SGCD: variants seen among roughly 807,000 people sequenced by gnomAD.
The protein encoded by SGCD is sarcoglycan delta.
A neutral mutation model predicts 36.6 loss-of-function variants in SGCD; 18 were observed. That is an observed-to-expected ratio of 0.49 (90% CI 0.34 to 0.73). SGCD has a LOEUF of 0.73. SGCD is among the 30% of genes least tolerant of loss of function. The probability of loss-of-function intolerance (pLI) is 0.01; values close to 1 mark genes in which losing one functional copy is unlikely to be tolerated. For missense variants in SGCD, 387 were observed against 346.7 expected (o/e 1.12, Z -0.92); for synonymous variants, 133 against 130.6 (o/e 1.02, Z -0.12).
rs1757497088 is a variant in SGCD, at chr5:156,761,390, G to T, written c.*2000G>T. ...TCTTAGGGGTGAGACCCCGTGATTG[G>T]TTGGTTTGTAGCACTAAGGTCTAAA... On this transcript the variant is annotated 3_prime_UTR_variant, in exon 9 of 9. Transcript: ENST00000337851. The T allele has an allele frequency of 6.6e-6, 1 of 152,182 alleles. No homozygotes were observed. The highest frequency in any genetic ancestry group is 1.5e-5 in the Non-Finnish European group (1 of 68,044). 9.4% of individuals were successfully genotyped at this position (152,182 alleles called of 1,614,324 possible).
the SGCD span, among the ~76,000 whole-genome samples, chr5:155,753,626 G>A: frequency 6.6e-6 from 1 of 152,126 alleles, no homozygotes; most frequent in Non-Finnish European, 1.5e-5. Flanking sequence ...GACCAGGAGT[G>A]GGGAGCTGAC....
chr5:156,160,268 A>G (rs1033263655), intron 3 of SGCD, among the ~76,000 whole-genome samples: 1 of 151,612 alleles, frequency 6.6e-6, no homozygotes, highest in African/African-American at 2.4e-5. Context: ...TTTAACTAAG[A>G]TATATCAGCA....
At chr5:156,212,337 G>C (rs895309280) in intron 3 of SGCD, among the ~76,000 whole-genome samples, 1 of 152,148 alleles carries the variant, frequency 6.6e-6, no homozygotes, top group Non-Finnish European at 1.5e-5. Flanking sequence ...AACCAAAAGA[G>C]AGCAAGGGTA....
chr5:156,026,733 C>T (rs562804782), intron 1 of SGCD, among the ~76,000 whole-genome samples: 36 of 152,214 alleles, frequency 2.4e-4, no homozygotes, highest in African/African-American at 7.9e-4. Flanking sequence ...CCCAGGTAAT[C>T]CCTCAGATCA....
intron 1 of SGCD, among the ~76,000 whole-genome samples, chr5:156,106,364 A>T (rs919118451): frequency 1.3e-5 from 2 of 152,150 alleles, no homozygotes; most frequent in Non-Finnish European, 2.9e-5. Flanking sequence ...TACAGGGCGA[A>T]TGCTTTGCTG....
chr5:156,192,090 A>G (rs573878732), intron 3 of SGCD, among the ~76,000 whole-genome samples: 1 of 152,294 alleles, frequency 6.6e-6, no homozygotes, highest in South Asian at 2.1e-4. Flanking sequence ...CCCAGAGATT[A>G]CTGGTCTGTA....
intron 3 of SGCD, among the ~76,000 whole-genome samples, chr5:156,480,389 C>A (rs1755370749): frequency 6.6e-6 from 1 of 152,238 alleles, no homozygotes; most frequent in Admixed American, 6.5e-5. Context: ...CCAGGCATTA[C>A]ATTGGCATAC....
At chr5:156,179,695 C>T (rs1763558015) in intron 3 of SGCD, among the ~76,000 whole-genome samples, 1 of 150,388 alleles carries the variant, frequency 6.6e-6, no homozygotes, top group South Asian at 2.1e-4. Flanking sequence ...GATCTCGGCT[C>T]ACTGGAACCT....
intron 7 of SGCD, among the ~76,000 whole-genome samples, chr5:156,718,417 C>T (rs1238599555): frequency 6.6e-6 from 1 of 152,060 alleles, no homozygotes; most frequent in African/African-American, 2.4e-5. Flanking sequence ...TCAACTATGC[C>T]ATGTCCCAAG....
intron 1 of SGCD, among the ~76,000 whole-genome samples, chr5:156,024,313 T>C (rs1759177648): frequency 2.0e-5 from 3 of 151,298 alleles, no homozygotes; most frequent in Middle Eastern, 3.4e-3. Context: ...GCTTATCTTG[T>C]ATGACGTCCT....
In SGCD at chr5:156,520,056, G is replaced by T. The variant is rs180806518; in HGVS notation, c.294+11354G>T. Reference sequence around the variant, plus strand: ...GAAAGAAATAAAGCATATTCAAATAGGAAGAGAGGAAGTCAAACTATCTTT... The same window carrying T: ...GAAAGAAATAAAGCATATTCAAATATGAAGAGAGGAAGTCAAACTATCTTT... On this transcript the variant is annotated intron_variant, in intron 4 of 8. Coordinates refer to ENST00000337851, the MANE Select transcript of SGCD (RefSeq NM_000337.6). Among the ~76,000 whole-genome samples the T allele has an allele frequency of 3.3e-4, 51 of 152,260 alleles. No individual in the cohort carries two copies. In the East Asian group the frequency reaches 9.6e-3, roughly 29 times the overall value.
chr5:156,730,566 A>G (rs1435979155), intron 7 of SGCD, among the ~76,000 whole-genome samples: 1 of 152,080 alleles, frequency 6.6e-6, no homozygotes, highest in African/African-American at 2.4e-5. Context: ...TCATTTTTTT[A>G]TGGCTGCATA....
chr5:156,589,404 A>G, intron 5 of SGCD, 86 bp downstream of exon 5: 1 of 727,240 alleles, frequency 1.4e-6, no homozygotes. Context: ...CACCATATGA[A>G]CCTGAAAATA....
intron 3 of SGCD, among the ~76,000 whole-genome samples, chr5:156,404,919 T>C (rs954703778): frequency 6.6e-6 from 1 of 152,196 alleles, no homozygotes; most frequent in African/African-American, 2.4e-5. Flanking sequence ...GTAAATATGA[T>C]GTGATGCCAC....
the SGCD span, among the ~76,000 whole-genome samples, chr5:155,834,860 G>C: frequency 1.9e-4 from 29 of 150,734 alleles, no homozygotes; most frequent in East Asian, 4.3e-3. Flanking sequence ...TCGTGAGACG[G>C]ACTCTCACTT....
At chr5:156,007,306 C>A (rs139605616) in intron 1 of SGCD, among the ~76,000 whole-genome samples, 1 of 152,242 alleles carries the variant, frequency 6.6e-6, no homozygotes, top group East Asian at 1.9e-4. Context: ...CCCAGTAAAC[C>A]CTGAATCCAA....
rs186691981 is a variant in SGCD at position 156,116,039 on chromosome 5, A to G, written c.-281-1839A>G. Among the ~76,000 whole-genome samples, 32 of 152,274 alleles carry G rather than the reference A, an allele frequency of 2.1e-4. 1 individual carries two copies. The East Asian group carries it at 5.4e-3, about 26-fold the overall frequency. ...TAGATCTACTATTTTATTAGGGGCT[A>G]CAAAACTTTGATCTTAAAATTTTAT... On this transcript the variant is annotated intron_variant, in intron 1 of 9. Transcript: ENST00000517913.
At chr5:155,943,833 T>C (rs1037976694) in intron 1 of SGCD, among the ~76,000 whole-genome samples, 2 of 152,208 alleles carry the variant, frequency 1.3e-5, no homozygotes, top group African/African-American at 4.8e-5. Flanking sequence ...GACTCTCCAT[T>C]GCAGACACCT....
intron 3 of SGCD, among the ~76,000 whole-genome samples, chr5:156,188,793 C>T (rs1005121611): frequency 6.6e-6 from 1 of 151,806 alleles, no homozygotes; most frequent in Non-Finnish European, 1.5e-5. Context: ...CTTCTAAGAC[C>T]GAGAGCGTAA....
Sources: gnomAD v4.1 joint callset for allele counts (sites outside exome capture counted in the v4.1 genomes callset) on GRCh38, gnomAD v4.1.1 for gene constraint, MANE v1.5 for transcripts, NCBI Gene and HGNC (gene_info 2026-07-23, HGNC 2026-07-21) for gene names.